Variants in PRKN observed in about 807,000 individuals in gnomAD.
PRKN encodes the protein parkin RBR E3 ubiquitin protein ligase.
In PRKN, 56 loss-of-function variants were observed where a neutral mutation model predicts 59.5. The ratio of observed to expected loss-of-function variants is 0.94; its 90% CI spans 0.76 to 1.18. PRKN has a LOEUF of 1.18. PRKN is among the 50% of genes most tolerant of loss of function. The pLI is 0.00. For missense variants in PRKN, 657 were observed against 596.4 expected, an observed-to-expected ratio of 1.10 and a Z score of -1.06; for synonymous variants, 250 against 222.1, an observed-to-expected ratio of 1.13 and a Z score of -1.12.
intron 1 of PRKN, among the ~76,000 whole-genome samples, chr6:162,448,102 C>T (rs1250966029): frequency 6.6e-6 from 1 of 152,102 alleles, no homozygotes; most frequent in African/African-American, 2.4e-5. Flanking sequence ...TGAAGGCAGG[C>T]AATTCTTCCT....
chr6:161,706,885 T>C (rs984985923), intron 7 of PRKN, among the ~76,000 whole-genome samples: 8 of 152,188 alleles, frequency 5.3e-5, no homozygotes, highest in African/African-American at 1.7e-4. Context: ...TCTTAAACAT[T>C]AAAGAAATAT....
intron 1 of PRKN, among the ~76,000 whole-genome samples, chr6:162,591,638 C>G (rs1169513284): frequency 6.6e-6 from 1 of 151,860 alleles, no homozygotes; most frequent in African/African-American, 2.4e-5. Flanking sequence ...TTTCCACAAT[C>G]AATACAATGG....
intron 6 of PRKN, among the ~76,000 whole-genome samples, chr6:161,931,502 A>G (rs1779170372): frequency 6.6e-6 from 1 of 152,134 alleles, no homozygotes; most frequent in South Asian, 2.1e-4. Flanking sequence ...ATCTATATCT[A>G]TCCCTTGATA....
At position 161,363,167 on chromosome 6, in the gene PRKN, G is replaced by T. The variant is rs1453174222; in HGVS notation, c.1168-2962C>A. Among the ~76,000 whole-genome samples the T allele has an allele frequency of 6.6e-6, 1 of 152,158 alleles. No individual in the cohort carries two copies. The highest frequency in any genetic ancestry group is 1.5e-5 in the Non-Finnish European group (1 of 68,020). ...TGAGGCAGGAGAAGTACCTGAACCT[G>T]GGGGGCAGAGGTTGCAGTGAGCCGA... On this transcript the variant is annotated intron_variant, in intron 10 of 11. Coordinates refer to ENST00000366898, the MANE Select transcript of PRKN (RefSeq NM_004562.3). This position sits in a 1 kb window ranked among gnomAD's most constrained non-coding sequence, Gnocchi z 4.1.
At chr6:162,149,483 A>G (rs1244967985) in intron 4 of PRKN, among the ~76,000 whole-genome samples, 1 of 152,046 alleles carries the variant, frequency 6.6e-6, no homozygotes, top group Non-Finnish European at 1.5e-5. Flanking sequence ...ACCTCAAATG[A>G]TCCGCCTCTT....
chr6:162,418,696 C>T (rs1788785678), intron 2 of PRKN, among the ~76,000 whole-genome samples: 1 of 144,272 alleles, frequency 6.9e-6, no homozygotes, highest in African/African-American at 2.6e-5. Context: ...GTGGAAAACA[C>T]CCATTAGGAG....
intron 2 of PRKN, among the ~76,000 whole-genome samples, chr6:162,397,144 T>C (rs1787516347): frequency 6.6e-6 from 1 of 152,186 alleles, no homozygotes; most frequent in African/African-American, 2.4e-5. Flanking sequence ...AAGCTTATGG[T>C]GCCTTTCTGT....
At chr6:162,498,601 A>G (rs984193641) in intron 1 of PRKN, among the ~76,000 whole-genome samples, 2 of 150,262 alleles carry the variant, frequency 1.3e-5, no homozygotes, top group African/African-American at 2.4e-5. Flanking sequence ...GTGCACCACC[A>G]CGCCTGGCTA....
At chr6:161,890,382 G>A (rs945956907) in intron 6 of PRKN, among the ~76,000 whole-genome samples, 3 of 152,102 alleles carry the variant, frequency 2.0e-5, no homozygotes, top group Non-Finnish European at 2.9e-5. Flanking sequence ...TCTTGGCATC[G>A]CATCACACTC....
chr6:162,140,643 C>T (rs1781737324), intron 4 of PRKN, among the ~76,000 whole-genome samples: 1 of 152,110 alleles, frequency 6.6e-6, no homozygotes, highest in Admixed American at 6.6e-5. Context: ...AAGACAATTG[C>T]CACATCTCAG....
rs554700169 is a variant in PRKN, at chr6:162,727,335, GAGA to G, written c.7+324_7+326del. The G allele has an allele frequency of 8.0e-5, 32 of 400,356 alleles. No homozygotes were observed. The South Asian group carries it at 9.8e-4, about 12-fold the overall frequency. The allele number at this position is 400,356 out of a possible 1,614,324, so 24.8% of individuals were successfully genotyped here. ...GGCGAAGGTGAGGGGCGGCGGCGGG[GAGA>G]AGGCTTCGGGACCCCACACGGTCCG... On this transcript the variant is annotated intron_variant, in intron 1 of 11. Transcript: ENST00000366898.
intron 1 of PRKN, among the ~76,000 whole-genome samples, chr6:162,591,687 G>T (rs1403541280): frequency 1.3e-5 from 2 of 151,970 alleles, no homozygotes; most frequent in Non-Finnish European, 2.9e-5. Context: ...AATACATTAA[G>T]AATTTAGGTT....
rs560356033 is a variant in PRKN, at chr6:162,192,105, TTC to T, written c.534+9024_534+9025del. Among the ~76,000 whole-genome samples the T allele has an allele frequency of 3.4e-3, 525 of 152,302 alleles. 3 individuals carry two copies. The highest frequency in any genetic ancestry group is 0.012 in the African/African-American group (514 of 41,550). On this transcript the variant is annotated intron_variant, in intron 4 of 11. Coordinates refer to ENST00000366898, the MANE Select transcript of PRKN (RefSeq NM_004562.3). Reference sequence around the variant, plus strand: ...CTTTGTAGGTACTTTAGGTTGAGTTTTCTCAAACCCTTCTATGTAGTATCAAG... The same window carrying T: ...CTTTGTAGGTACTTTAGGTTGAGTTTTCAAACCCTTCTATGTAGTATCAAG...
At position 161,359,094 on chromosome 6, in the gene PRKN, G is replaced by T. The variant is rs1325524996; in HGVS notation, c.1285+994C>A. Among the ~76,000 whole-genome samples the T allele has an allele frequency of 6.6e-6, 1 of 152,014 alleles. No individual in the cohort carries two copies. Among genetic ancestry groups the T allele is most frequent in the East Asian group, 1.9e-4 (1 of 5,180 alleles). On this transcript the variant is annotated intron_variant, in intron 11 of 11. Transcript: ENST00000366898. The surrounding 1 kb of genome is among the most constrained non-coding windows in gnomAD (Gnocchi z 5.4). ...CAGGCGTGAGCCACCGCGCCCGGCC[G>T]CCTTCTGCTCTTTATAGGTGCATGC... is the stretch of plus-strand genomic sequence containing the variant.
intron 2 of PRKN, among the ~76,000 whole-genome samples, chr6:162,381,155 A>G (rs540836334): frequency 5.3e-5 from 8 of 152,288 alleles, no homozygotes; most frequent in African/African-American, 1.9e-4. Context: ...CATTCCACTC[A>G]GCTCAAAAGA....
At chr6:162,236,206 G>A (rs180750843) in intron 3 of PRKN, among the ~76,000 whole-genome samples, 16 of 152,294 alleles carry the variant, frequency 1.1e-4, no homozygotes, top group African/African-American at 3.4e-4. Context: ...ACTTGTACCC[G>A]TTGACTACAT....
chr6:162,609,670 A>C (rs1782063993), intron 1 of PRKN, among the ~76,000 whole-genome samples: 1 of 152,214 alleles, frequency 6.6e-6, no homozygotes, highest in Non-Finnish European at 1.5e-5. Context: ...CTTATTTTTA[A>C]ATTTACATTA....
chr6:161,825,999 G>A (rs1203050553), intron 6 of PRKN, among the ~76,000 whole-genome samples: 4 of 151,958 alleles, frequency 2.6e-5, no homozygotes, highest in Non-Finnish European at 5.9e-5. Context: ...TAGCCATCCC[G>A]GGCTTCCACC....
chr6:162,627,840 C>A (rs9356054), intron 1 of PRKN, among the ~76,000 whole-genome samples: 29,563 of 152,012 alleles, frequency 0.19, 3,537 homozygotes, highest in East Asian at 0.47. Flanking sequence ...AGAGTCATCA[C>A]AGGACAGGTT....
Sources: allele counts gnomAD v4.1 joint callset (sites outside exome capture counted in the v4.1 genomes callset), GRCh38; gene constraint gnomAD v4.1.1; non-coding constraint Gnocchi (gnomAD v3.1); transcripts MANE v1.5; gene names NCBI Gene and HGNC (gene_info 2026-07-23, HGNC 2026-07-21).